SPHKAP: variants seen among roughly 807,000 people sequenced by gnomAD.
SPHKAP encodes SPHK1 interactor, AKAP domain containing.
In SPHKAP, 67 loss-of-function variants were observed where a neutral mutation model predicts 137.5. That is an observed-to-expected ratio of 0.49 (90% confidence interval 0.40 to 0.60). The LOEUF is 0.60. Among genes scored for constraint, SPHKAP ranks in the 20% least tolerant of loss-of-function variants. The pLI is 0.00. For synonymous variants in SPHKAP, 813 were observed against 785.3 expected (o/e 1.04, Z -0.59); for missense variants, 2,097 against 2,069.3 (o/e 1.01, Z -0.26).
chr2:228,165,620 G>GAAAATAAAAT (rs1213668124), intron 1 of SPHKAP, among the ~76,000 whole-genome samples: 229 of 152,248 alleles, frequency 1.5e-3, no homozygotes, highest in African/African-American at 5.1e-3. Flanking sequence ...TAACCTTTGT[G>GAAAATAAAAT]AAAATAAAAA....
In SPHKAP at chr2:228,041,659, AAAAAAAG is replaced by A. The variant is rs1198125290; in HGVS notation, c.247-14123_247-14117del. Among the ~76,000 whole-genome samples, 4 of 150,560 alleles carry A rather than the reference AAAAAAAG, an allele frequency of 2.7e-5. No individual in the cohort carries two copies. The South Asian group carries it at 8.3e-4, about 31-fold the overall frequency. Reference sequence around the variant, plus strand: ...CAGACTCTGTCTCAAAAAAAAAAAAAAAAAAAGAAAAAAGAAAACAGTTCTACATTCT... The same window carrying A: ...CAGACTCTGTCTCAAAAAAAAAAAAAAAAAAAGAAAACAGTTCTACATTCT... On this transcript the variant is annotated intron_variant, in intron 3 of 11. Transcript: ENST00000392056.
intron 3 of SPHKAP, among the ~76,000 whole-genome samples, chr2:228,029,223 A>G (rs553792389): frequency 3.9e-5 from 6 of 152,248 alleles, no homozygotes; most frequent in Non-Finnish European, 7.3e-5. Context: ...GATGTTACAA[A>G]ACTGAGAACA....
intron 1 of SPHKAP, among the ~76,000 whole-genome samples, chr2:228,149,974 A>G (rs1367643117): frequency 6.6e-6 from 1 of 152,146 alleles, no homozygotes; most frequent in African/African-American, 2.4e-5. Flanking sequence ...GAAATGTTGA[A>G]TAGAGTAATG....
At chr2:228,160,865 G>A (rs1700253506) in intron 1 of SPHKAP, among the ~76,000 whole-genome samples, 2 of 152,120 alleles carry the variant, frequency 1.3e-5, no homozygotes, top group Non-Finnish European at 2.9e-5. Context: ...TAGCATCTGA[G>A]TTCTCTGCGC....
chr2:228,037,377 T>C (rs923817116), intron 3 of SPHKAP, among the ~76,000 whole-genome samples: 2 of 152,242 alleles, frequency 1.3e-5, no homozygotes, highest in African/African-American at 4.8e-5. Context: ...GCTTCTGATA[T>C]GTAAACCTTG....
chr2:227,990,963 CAA>C (rs1337497242), intron 11 of SPHKAP, 35 bp downstream of exon 11: 3 of 1,602,186 alleles, frequency 1.9e-6, no homozygotes, highest in Middle Eastern at 1.7e-4. Context: ...GATGAAAACA[CAA>C]AGCTTTCTTG....
chr2:228,133,825 C>T (rs1466055595), intron 1 of SPHKAP, among the ~76,000 whole-genome samples: 1 of 152,162 alleles, frequency 6.6e-6, no homozygotes, highest in African/African-American at 2.4e-5. Flanking sequence ...TATGGAATGA[C>T]ATTTTAAAAA....
At chr2:228,136,970 C>A (rs992418870) in intron 1 of SPHKAP, among the ~76,000 whole-genome samples, 1 of 151,982 alleles carries the variant, frequency 6.6e-6, no homozygotes, top group Admixed American at 6.6e-5. Context: ...ACCTCTGGTA[C>A]CTCCCTTCTC....
At chr2:228,056,787 T>C (rs1696463260) in intron 3 of SPHKAP, among the ~76,000 whole-genome samples, 1 of 152,166 alleles carries the variant, frequency 6.6e-6, no homozygotes, top group Non-Finnish European at 1.5e-5. Context: ...TCTTTGCAGC[T>C]TGTATTGGGA....
intron 1 of SPHKAP, among the ~76,000 whole-genome samples, chr2:228,153,502 G>A (rs889155920): frequency 1.3e-5 from 2 of 152,048 alleles, no homozygotes; most frequent in East Asian, 1.9e-4. Flanking sequence ...TCTAAACTGC[G>A]ATTATTTTCT....
intron 11 of SPHKAP, chr2:227,982,391 G>T: frequency 1.1e-5 from 11 of 984,286 alleles, no homozygotes; most frequent in Non-Finnish European, 1.3e-5. Context: ...AAGAAAGCCT[G>T]GCTTTCCACA....
In SPHKAP at chr2:228,032,171, G is replaced by A. The variant is rs566088261; in HGVS notation, c.247-4628C>T. ...TGAATGGATAACTAGAATAACCAAC[G>A]CAGAGAAGTCCTTAAAGGAGCTGAT... On this transcript the variant is annotated intron_variant, in intron 3 of 11. Transcript: ENST00000392056. Among the ~76,000 whole-genome samples the A allele has an allele frequency of 4.9e-4, 74 of 152,254 alleles. No homozygotes were observed. In the South Asian group the frequency reaches 9.3e-3, roughly 19 times the overall value.
Position 228,021,981 on chromosome 2 carries a change from A to C in SPHKAP, c.442-15T>G, listed in dbSNP as rs1694859934. 6.4e-7 allele frequency: 1 copy of C among 1,563,392 alleles called. No individual in the cohort carries two copies. Among genetic ancestry groups the C allele is most frequent in the Non-Finnish European group, 8.6e-7 (1 of 1,158,420 alleles). Reference sequence around the variant, plus strand: ...AGCCAAGGGCACTAAAAGTGGAGAGAAAAGAAGGCATTTATTCAAAAGGGA... The same window carrying C: ...AGCCAAGGGCACTAAAAGTGGAGAGCAAAGAAGGCATTTATTCAAAAGGGA... On this transcript the variant is annotated splice_polypyrimidine_tract_variant and intron_variant, in intron 5 of 11. Transcript: ENST00000392056.
At chr2:228,070,603 G>A (rs1411616896) in intron 3 of SPHKAP, among the ~76,000 whole-genome samples, 2 of 152,156 alleles carry the variant, frequency 1.3e-5, no homozygotes, top group Non-Finnish European at 2.9e-5. Context: ...ATGTCAATTT[G>A]TTTTCTGGCA....
At chr2:227,997,933 G>A (rs1204767573) in intron 7 of SPHKAP, among the ~76,000 whole-genome samples, 2 of 152,202 alleles carry the variant, frequency 1.3e-5, no homozygotes, top group Non-Finnish European at 2.9e-5. Context: ...TTAGTCTAGA[G>A]AGCTCCACTT....
rs750253583 is a variant in SPHKAP, at chr2:228,016,867, C to A, written c.3987G>T (p.Glu1329Asp). The change falls in exon 7 of 12, where the codon GAG (glutamate) becomes GAT (aspartate). Residue 1329 changes from glutamate (E) to aspartate (D), a missense_variant. Coordinates refer to ENST00000392056, the MANE Select transcript of SPHKAP (RefSeq NM_001142644.2). ...CAGAAACAGGCTCAGTGTCAGCTTC[C>A]TCTGCATCATCCACAATGATTTTGT... ...RKNKIIVDDA[E>D]EADTEPVSGG... 46 of 1,613,978 alleles carry A rather than the reference C, an allele frequency of 2.9e-5. 1 individual carries two copies. Among genetic ancestry groups the A allele is most frequent in the Admixed American group, 1.2e-4 (7 of 60,002 alleles).
chr2:228,036,306 A>G (rs914516104), intron 3 of SPHKAP, among the ~76,000 whole-genome samples: 8 of 152,260 alleles, frequency 5.3e-5, no homozygotes, highest in African/African-American at 1.9e-4. Flanking sequence ...TGGCCATCAG[A>G]GAAATGCAAA....
intron 4 of SPHKAP, among the ~76,000 whole-genome samples, chr2:228,026,367 C>T (rs1176736162): frequency 1.3e-5 from 2 of 152,242 alleles, no homozygotes; most frequent in Admixed American, 1.3e-4. Flanking sequence ...AAGCACTATG[C>T]TAGAGCCTGT....
chr2:227,987,949 T>C (rs1363126068), intron 11 of SPHKAP, among the ~76,000 whole-genome samples: 1 of 152,200 alleles, frequency 6.6e-6, no homozygotes, highest in African/African-American at 2.4e-5. Context: ...AGTGGGAAGA[T>C]GACATTTTCT....
Sources: allele counts gnomAD v4.1 joint callset (sites outside exome capture counted in the v4.1 genomes callset), GRCh38; gene constraint gnomAD v4.1.1; transcripts MANE v1.5; gene names NCBI Gene and HGNC (gene_info 2026-07-23, HGNC 2026-07-21).